Variants in DMXL1 observed in about 807,000 individuals in gnomAD.
DMXL1 encodes Dmx like 1.
In DMXL1, 99 loss-of-function variants were observed where a neutral mutation model predicts 319.2. That is an observed-to-expected ratio of 0.31 (90% CI 0.26 to 0.37). The LOEUF (loss-of-function observed/expected upper bound fraction) is 0.37. Among genes scored for constraint, DMXL1 ranks in the 10% least tolerant of loss-of-function variants. The probability of loss-of-function intolerance (pLI) is 1.00; values close to 1 mark genes in which losing one functional copy is unlikely to be tolerated. For missense variants in DMXL1, 3,745 were observed against 3,595.6 expected, an observed-to-expected ratio of 1.04 and a Z score of -1.06; for synonymous variants, 1,385 against 1,235.2, an observed-to-expected ratio of 1.12 and a Z score of -2.54.
chr5:119,233,505 T>C (rs2150687903), intron 39 of DMXL1, 38 bp downstream of exon 39: 1 of 1,573,122 alleles, frequency 6.4e-7, no homozygotes, highest in Non-Finnish European at 8.7e-7. Flanking sequence ...AAATTTATTG[T>C]GTTGGAGGTT....
chr5:119,238,510 T>G (rs1164875764), intron 40 of DMXL1, among the ~76,000 whole-genome samples: 1 of 152,160 alleles, frequency 6.6e-6, no homozygotes, highest in African/African-American at 2.4e-5. Flanking sequence ...AGCTTAAATA[T>G]TTTTGAAAAA....
intron 30 of DMXL1, among the ~76,000 whole-genome samples, chr5:119,195,355 T>C (rs1779429991): frequency 6.6e-6 from 1 of 152,218 alleles, no homozygotes; most frequent in Admixed American, 6.5e-5. Flanking sequence ...AAGTGTGTTT[T>C]AACAGATGAA....
At chr5:119,214,568 A>G (rs1783354922) in intron 34 of DMXL1, among the ~76,000 whole-genome samples, 1 of 152,086 alleles carries the variant, frequency 6.6e-6, no homozygotes, top group Admixed American at 6.5e-5. Flanking sequence ...TCTGCCACTT[A>G]TGGTCATTCA....
chr5:119,145,514 G>A (rs1768325523), intron 15 of DMXL1, among the ~76,000 whole-genome samples: 1 of 151,674 alleles, frequency 6.6e-6, no homozygotes, highest in Admixed American at 6.6e-5. Context: ...TCAGGCGTAA[G>A]AGATAAGATT....
intron 37 of DMXL1, among the ~76,000 whole-genome samples, chr5:119,222,653 A>T (rs1339075762): frequency 2.0e-5 from 3 of 152,132 alleles, no homozygotes; most frequent in Non-Finnish European, 4.4e-5. Context: ...CTTTTCTAAA[A>T]CATCATTCAG....
chr5:119,170,343 A>C lies in DMXL1; in HGVS notation c.5552A>C (p.Asn1851Thr), dbSNP rs778452684. The C allele has an allele frequency of 6.2e-7, 1 of 1,613,900 alleles. No homozygotes were observed. The highest frequency in any genetic ancestry group is 1.3e-5 in the African/African-American group (1 of 74,934). ...AAAAGTGGACTGGCAGGAACAATTAATTTAAGTGAAAGACGTTTATTTTTT... is the reference window on the plus strand; with the variant it reads ...AAAAGTGGACTGGCAGGAACAATTACTTTAAGTGAAAGACGTTTATTTTTT... ...TGKSGLAGTI[N>T]LSERRLFFTT... Residue 1851 changes from asparagine (N) to threonine (T), a missense_variant, in exon 24 of 44, where the codon AAT becomes ACT. Physicochemically the swap from Asn to Thr is moderately conservative, Grantham distance 65 (BLOSUM62 0). Transcript: ENST00000539542.
At chr5:119,082,663 A>G (rs1752498640) in intron 1 of DMXL1, among the ~76,000 whole-genome samples, 1 of 152,240 alleles carries the variant, frequency 6.6e-6, no homozygotes, top group South Asian at 2.1e-4. Flanking sequence ...ATAATTTGTG[A>G]AGATTAAATC....
intron 42 of DMXL1, among the ~76,000 whole-genome samples, 169 bp from the exon 43 acceptor site, chr5:119,244,190 A>G (rs1789317087): frequency 6.6e-6 from 1 of 152,058 alleles, no homozygotes; most frequent in African/African-American, 2.4e-5. Context: ...ATCATTCTTC[A>G]TTACCTTATA....
At chr5:119,099,796 A>C (rs1449146533) in intron 2 of DMXL1, among the ~76,000 whole-genome samples, 3 of 152,146 alleles carry the variant, frequency 2.0e-5, no homozygotes, top group Non-Finnish European at 4.4e-5. Context: ...TGAGACCAGA[A>C]GTTTGAGACC....
rs959372647 is a variant in DMXL1, at chr5:119,211,121, A to G, written c.7926+4225A>G. ...CAATCTAGCATTCCCAGCATAAGCT[A>G]TACTTGGTCGTGATGTGTTATCCTT... is the stretch of plus-strand genomic sequence containing the variant. On this transcript the variant is annotated intron_variant, in intron 34 of 43. Coordinates refer to ENST00000539542, the MANE Select transcript of DMXL1 (RefSeq NM_001290321.3). Among the ~76,000 whole-genome samples the G allele has an allele frequency of 4.0e-5, 6 of 151,594 alleles. No homozygotes were observed. The South Asian group carries it at 1.2e-3, about 31-fold the overall frequency.
Position 119,120,869 on chromosome 5 carries a change from T to A in DMXL1, c.934-102T>A, listed in dbSNP as rs1339622311. ...GTTTTTACATATAAAACATGTAAAATGTTCTGAGCTAGGATATATGTAACT... is the reference window on the plus strand; with the variant it reads ...GTTTTTACATATAAAACATGTAAAAAGTTCTGAGCTAGGATATATGTAACT... On this transcript the variant is annotated intron_variant, in intron 8 of 43. Coordinates refer to ENST00000539542, the MANE Select transcript of DMXL1 (RefSeq NM_001290321.3). The A allele has an allele frequency of 2.2e-5, 20 of 916,348 alleles. No individual in the cohort carries two copies. In the Admixed American group the frequency reaches 5.6e-4, roughly 26 times the overall value. The allele number at this position is 916,348 out of a possible 1,614,324, so 56.8% of individuals were successfully genotyped here. A position where few individuals can be genotyped will look rare whatever the true frequency, so the allele number is the denominator to read the frequency against.
intron 32 of DMXL1, among the ~76,000 whole-genome samples, chr5:119,199,252 C>G (rs1433758102): frequency 6.6e-6 from 1 of 152,144 alleles, no homozygotes; most frequent in African/African-American, 2.4e-5. Context: ...ACCCCACTGT[C>G]TGTTGTTCCC....
rs545996177 is a variant in DMXL1, at chr5:119,205,489, A to G, written c.7864-1345A>G. Among the ~76,000 whole-genome samples the G allele has an allele frequency of 3.9e-5, 6 of 152,164 alleles. No individual in the cohort carries two copies. The East Asian group carries it at 9.6e-4, about 24-fold the overall frequency. Reference sequence around the variant, plus strand: ...GCATGAATATGAATGTTGGACTAACAGTTTTGTGACTATCAGTAAGCTGAA... The same window carrying G: ...GCATGAATATGAATGTTGGACTAACGGTTTTGTGACTATCAGTAAGCTGAA... On this transcript the variant is annotated intron_variant, in intron 33 of 43. Coordinates refer to ENST00000539542, the MANE Select transcript of DMXL1 (RefSeq NM_001290321.3).
In DMXL1 at chr5:119,244,525, T is replaced by C; in HGVS notation, c.8871T>C (p.Val2957=). ...ATTCTCCTGTTAAAGCCGTTGCTGT[T>C]GATCCAACTGAAGAGTACTTTGTTA... ...SHDSPVKAVA[V]DPTEEYFVTG... is the part of the protein sequence containing the mutation. The change falls in exon 43 of 44, where the codon GTT becomes GTC. Residue 2957 remains valine (V), a synonymous_variant. Transcript: ENST00000539542. 5 of 1,614,182 alleles carry C rather than the reference T, an allele frequency of 3.1e-6. No homozygotes were observed. The highest frequency in any genetic ancestry group is 4.2e-6 in the Non-Finnish European group (5 of 1,180,012).
chr5:119,219,368 A>G (rs1383964104), intron 35 of DMXL1, among the ~76,000 whole-genome samples: 1 of 152,200 alleles, frequency 6.6e-6, no homozygotes, highest in Non-Finnish European at 1.5e-5. Flanking sequence ...CTTATAAAAC[A>G]TGCAGAATTT....
chr5:119,126,050 GGAGGCC>G (rs1417880940), intron 9 of DMXL1, among the ~76,000 whole-genome samples: 2 of 152,038 alleles, frequency 1.3e-5, no homozygotes, highest in African/African-American at 4.8e-5. Context: ...CAGCACTTTG[GGAGGCC>G]GAGGCGGTGG....
At chr5:119,074,899 T>C (rs966337370) in intron 1 of DMXL1, among the ~76,000 whole-genome samples, 2 of 152,252 alleles carry the variant, frequency 1.3e-5, no homozygotes, top group African/African-American at 4.8e-5. Context: ...ATTAGCTGTT[T>C]ATCCATTAGC....
chr5:119,151,541 CTG>C (rs1769798428), intron 18 of DMXL1, among the ~76,000 whole-genome samples: 1 of 152,114 alleles, frequency 6.6e-6, no homozygotes, highest in South Asian at 2.1e-4. Context: ...CACCATAGAA[CTG>C]TTTCTCCCAG....
At chr5:119,152,165 AT>A (rs1769948127) in intron 19 of DMXL1, 129 bp downstream of exon 19, 2 of 614,320 alleles carry the variant, frequency 3.3e-6, no homozygotes, top group Non-Finnish European at 5.5e-6. Flanking sequence ...AGTTTCCTTT[AT>A]TTGTTAAAAT....
Sources: gnomAD v4.1 joint callset for allele counts (sites outside exome capture counted in the v4.1 genomes callset) on GRCh38, gnomAD v4.1.1 for gene constraint, MANE v1.5 for transcripts, NCBI Gene and HGNC (gene_info 2026-07-23, HGNC 2026-07-21) for gene names.